NRG3: variants seen among roughly 807,000 people sequenced by gnomAD.
The protein encoded by NRG3 is neuregulin 3.
A neutral mutation model predicts 66.9 loss-of-function variants in NRG3; 31 were observed. The ratio of observed to expected loss-of-function variants is 0.46; its 90% CI spans 0.35 to 0.63. NRG3 has a LOEUF of 0.63. Ranked by LOEUF, NRG3 falls within the 20% of genes least tolerant of loss-of-function variation. The probability of loss-of-function intolerance (pLI) is 0.00; values close to 1 mark genes in which losing one functional copy is unlikely to be tolerated. For synonymous variants in NRG3, 393 were observed against 359.4 expected, an observed-to-expected ratio of 1.09 and a Z score of -1.06; for missense variants, 910 against 878.9, an observed-to-expected ratio of 1.04 and a Z score of -0.45.
intron 2 of NRG3, among the ~76,000 whole-genome samples, chr10:82,447,662 A>G (rs183955390): frequency 7.2e-5 from 11 of 152,360 alleles, no homozygotes; most frequent in Admixed American, 2.6e-4. Context: ...GTTGTATTCT[A>G]TGTAACAACT....
chr10:82,468,697 G>T, intron 2 of NRG3, among the ~76,000 whole-genome samples: 1 of 152,126 alleles, frequency 6.6e-6, no homozygotes, highest in Non-Finnish European at 1.5e-5. Context: ...GCAGCTACAG[G>T]GAAATGCCTC....
intron 2 of NRG3, among the ~76,000 whole-genome samples, chr10:82,584,705 A>C (rs945014652): frequency 4.6e-5 from 7 of 152,116 alleles, no homozygotes; most frequent in African/African-American, 1.2e-4. Flanking sequence ...ATCAAAACAT[A>C]ATTTGTTACT....
chr10:82,133,072 TC>T (rs1459144475), intron 1 of NRG3, among the ~76,000 whole-genome samples: 2 of 152,018 alleles, frequency 1.3e-5, no homozygotes, highest in African/African-American at 4.8e-5. Flanking sequence ...TCTGCTATAT[TC>T]TTTATTATTT....
intron 4 of NRG3, among the ~76,000 whole-genome samples, chr10:82,893,052 A>T (rs1843312438): frequency 6.6e-6 from 1 of 152,218 alleles, no homozygotes; most frequent in Admixed American, 6.5e-5. Context: ...AGTGATTGAT[A>T]GATCAAATAA....
chr10:82,089,376 A>G (rs181626382), intron 1 of NRG3, among the ~76,000 whole-genome samples: 171 of 152,246 alleles, frequency 1.1e-3, no homozygotes, highest in Non-Finnish European at 1.8e-3. Flanking sequence ...AACTGCTGGT[A>G]TGAGGCAATC....
At chr10:82,505,244 G>T (rs1166472692) in intron 2 of NRG3, among the ~76,000 whole-genome samples, 1 of 152,226 alleles carries the variant, frequency 6.6e-6, no homozygotes, top group East Asian at 1.9e-4. Context: ...TAATACAAGA[G>T]TAGAAAGAAT....
chr10:82,790,482 T>C (rs957291988), intron 3 of NRG3, among the ~76,000 whole-genome samples: 3 of 152,240 alleles, frequency 2.0e-5, no homozygotes, highest in East Asian at 1.9e-4. Flanking sequence ...GACTCCTTTT[T>C]TCGATACCTT....
chr10:82,004,428 G>T (rs1333797480), intron 1 of NRG3, among the ~76,000 whole-genome samples: 1 of 152,074 alleles, frequency 6.6e-6, no homozygotes, highest in African/African-American at 2.4e-5. Context: ...GCAGAGTGAA[G>T]AACTTTTCAC....
At chr10:82,906,398 T>C (rs998627111) in intron 4 of NRG3, among the ~76,000 whole-genome samples, 1 of 152,220 alleles carries the variant, frequency 6.6e-6, no homozygotes, top group South Asian at 2.1e-4. Context: ...GCTGTTGAAC[T>C]TTGGGCTTTT....
At chr10:82,825,369 A>G (rs1414957445) in intron 3 of NRG3, among the ~76,000 whole-genome samples, 2 of 152,210 alleles carry the variant, frequency 1.3e-5, no homozygotes, top group East Asian at 1.9e-4. Context: ...TGATCATCCC[A>G]ATACTTTACA....
At chr10:82,062,418 C>T (rs141842160) in intron 1 of NRG3, among the ~76,000 whole-genome samples, 7 of 151,950 alleles carry the variant, frequency 4.6e-5, no homozygotes, top group African/African-American at 1.4e-4. Context: ...GCAGCCTGGC[C>T]AACATGGTGA....
At chr10:82,569,559 T>C (rs1197990243) in intron 2 of NRG3, among the ~76,000 whole-genome samples, 1 of 151,796 alleles carries the variant, frequency 6.6e-6, no homozygotes, top group Non-Finnish European at 1.5e-5. Flanking sequence ...GGATTGATTC[T>C]TCAGTAGCAT....
intron 1 of NRG3, among the ~76,000 whole-genome samples, chr10:81,907,905 A>G (rs2132714937): frequency 6.6e-6 from 1 of 152,290 alleles, no homozygotes; most frequent in South Asian, 2.1e-4. Flanking sequence ...CTGATTTGAA[A>G]GCTAGTACAA....
Position 82,951,476 on chromosome 10 carries a change from A to T in NRG3, c.1062A>T (p.Glu354Asp). Residue 354 changes from glutamate to aspartate, a missense_variant, in exon 5 of 9, where the codon GAA becomes GAT. Transcript: ENST00000372141. The stretch of plus-strand genomic sequence containing the variant: ...TGTTTTTCAAATTCACAGAGAGTGA[A>T]GAAGTTTATCAAAGGCAGGTGCTGT... ...DHLGIEFMES[E>D]EVYQRQVLSI... The T allele has an allele frequency of 6.2e-7, 1 of 1,613,442 alleles. No individual in the cohort carries two copies. Among genetic ancestry groups the T allele is most frequent in the Non-Finnish European group, 8.5e-7 (1 of 1,179,404 alleles).
rs564557543 is a variant in NRG3, at chr10:82,897,035, G to A, written c.1054+31598G>A. Among the ~76,000 whole-genome samples the A allele has an allele frequency of 5.9e-5, 9 of 152,260 alleles. No homozygotes were observed. The East Asian group carries it at 1.5e-3, about 26-fold the overall frequency. On this transcript the variant is annotated intron_variant, in intron 4 of 8. Transcript: ENST00000372141. The stretch of plus-strand genomic sequence containing the variant: ...TTGGTGAAGGATGTCTGGAAAATGC[G>A]AAGACCACCAACTTGGGAAACTTTT...
At chr10:82,687,799 C>A (rs1174215778) in intron 2 of NRG3, among the ~76,000 whole-genome samples, 1 of 152,090 alleles carries the variant, frequency 6.6e-6, no homozygotes, top group Non-Finnish European at 1.5e-5. Flanking sequence ...CTTCAACTCA[C>A]CTTACAGCCA....
At chr10:81,981,043 G>A (rs1205281452) in intron 1 of NRG3, among the ~76,000 whole-genome samples, 11 of 152,166 alleles carry the variant, frequency 7.2e-5, no homozygotes, top group African/African-American at 1.9e-4. Flanking sequence ...GCATAAATCC[G>A]TAACGTTTGA....
intron 1 of NRG3, among the ~76,000 whole-genome samples, chr10:82,008,231 G>A (rs969549047): frequency 4.6e-5 from 7 of 152,142 alleles, no homozygotes; most frequent in African/African-American, 1.4e-4. Flanking sequence ...TTAGAAGATC[G>A]GGAGGGAATA....
At chr10:82,702,852 T>C (rs2055992525) in intron 2 of NRG3, among the ~76,000 whole-genome samples, 1 of 152,174 alleles carries the variant, frequency 6.6e-6, no homozygotes, top group South Asian at 2.1e-4. Flanking sequence ...ATAAATGTGA[T>C]AAACATGCTT....
Sources: gnomAD v4.1 joint callset for allele counts (sites outside exome capture counted in the v4.1 genomes callset) on GRCh38, gnomAD v4.1.1 for gene constraint, MANE v1.5 for transcripts, NCBI Gene and HGNC (gene_info 2026-07-23, HGNC 2026-07-21) for gene names.